MAGI2: variants seen among roughly 807,000 people sequenced by gnomAD.
MAGI2 encodes membrane-associated guanylate kinase, WW and PDZ domain-containing protein 2.
In MAGI2, 35 loss-of-function variants were observed where a neutral mutation model predicts 133.3. The observed-to-expected ratio is 0.26, with a 90% CI of 0.20 to 0.35. MAGI2 has a LOEUF of 0.35. Among genes scored for constraint, MAGI2 ranks in the 10% least tolerant of loss-of-function variants. The pLI is 1.00. For synonymous variants in MAGI2, 729 were observed against 710.6 expected, an observed-to-expected ratio of 1.03 and a Z score of -0.41; for missense variants, 1,636 against 1,863.4, an observed-to-expected ratio of 0.88 and a Z score of 2.25.
chr7:78,589,444 A>G (rs1163877933), intron 3 of MAGI2, among the ~76,000 whole-genome samples: 3 of 152,224 alleles, frequency 2.0e-5, no homozygotes, highest in African/African-American at 7.2e-5. Flanking sequence ...GTCTATGCAC[A>G]TAACTGCTAT....
intron 3 of MAGI2, among the ~76,000 whole-genome samples, chr7:78,530,092 C>T (rs1797335179): frequency 6.6e-6 from 1 of 152,116 alleles, no homozygotes; most frequent in African/African-American, 2.4e-5. Flanking sequence ...TAATCCCTTT[C>T]ATCAAATATC....
intron 8 of MAGI2, 39 bp from the exon 9 acceptor site, chr7:78,343,999 G>C: frequency 6.3e-7 from 1 of 1,574,886 alleles, no homozygotes; most frequent in Non-Finnish European, 8.6e-7. Context: ...AAAAAGGCAT[G>C]TTCAAGTCAA....
At chr7:78,598,250 G>A (rs1028655417) in intron 3 of MAGI2, among the ~76,000 whole-genome samples, 1 of 152,084 alleles carries the variant, frequency 6.6e-6, no homozygotes, top group Admixed American at 6.6e-5. Flanking sequence ...ATAAATAAAT[G>A]AAAACTTGCA....
intron 1 of MAGI2, among the ~76,000 whole-genome samples, chr7:79,294,790 C>T (rs1439729014): frequency 4.9e-5 from 6 of 121,824 alleles, no homozygotes; most frequent in African/African-American, 1.5e-4. Flanking sequence ...AGTGCAGGGG[C>T]GCAATCTCGG....
intron 1 of MAGI2, among the ~76,000 whole-genome samples, chr7:79,039,859 ATATATATAATATATATG>A (rs1006493845): frequency 4.1e-5 from 6 of 144,756 alleles, no homozygotes; most frequent in South Asian, 2.1e-4. Flanking sequence ...TATATATTAT[ATATATATAATATATATG>A]TATATATAAT....
At chr7:78,975,887 T>C (rs1321903614) in intron 2 of MAGI2, among the ~76,000 whole-genome samples, 1 of 151,656 alleles carries the variant, frequency 6.6e-6, no homozygotes, top group East Asian at 1.9e-4. Flanking sequence ...ATAATACAAG[T>C]AACTCTATCC....
intron 2 of MAGI2, among the ~76,000 whole-genome samples, chr7:78,841,189 G>GC: frequency 6.6e-6 from 1 of 152,122 alleles, no homozygotes; most frequent in Non-Finnish European, 1.5e-5. Context: ...GTCATACACT[G>GC]AAGTACTATA....
At chr7:79,356,951 AAAG>A (rs1842060059) in intron 1 of MAGI2, among the ~76,000 whole-genome samples, 1 of 152,214 alleles carries the variant, frequency 6.6e-6, no homozygotes, top group Non-Finnish European at 1.5e-5. Flanking sequence ...AGTCCTCTCA[AAAG>A]AAGAAAAGGA....
In MAGI2 at chr7:78,207,848, T is replaced by G. The variant is rs375599827; in HGVS notation, c.2048-6655A>C. Among the ~76,000 whole-genome samples the G allele has an allele frequency of 2.0e-4, 30 of 152,292 alleles. No individual in the cohort carries two copies. The South Asian group carries it at 6.2e-3, about 32-fold the overall frequency. The stretch of plus-strand genomic sequence containing the variant: ...GAAAATTTCACATAACTACCATCTT[T>G]GACCTGCAGAATCCATTTTTGTTGT... On this transcript the variant is annotated intron_variant, in intron 10 of 21. Coordinates refer to ENST00000354212, the MANE Select transcript of MAGI2 (RefSeq NM_012301.4).
At chr7:78,077,832 C>T (rs371288945) in intron 21 of MAGI2, among the ~76,000 whole-genome samples, 12 of 142,796 alleles carry the variant, frequency 8.4e-5, no homozygotes, top group Admixed American at 8.2e-4. Flanking sequence ...TGGGTTCAAG[C>T]GATTCTTCTG....
chr7:78,388,792 C>G (rs75549079), intron 6 of MAGI2, among the ~76,000 whole-genome samples: 10,513 of 152,130 alleles, frequency 0.069, 399 homozygotes, highest in South Asian at 0.096. Flanking sequence ...AAAGATATGG[C>G]CTTTTTAAAG....
rs146842309 is a variant in MAGI2 at position 78,763,497 on chromosome 7, G to A, written c.419-136258C>T. Among the ~76,000 whole-genome samples, 659 of 152,318 alleles carry A rather than the reference G, an allele frequency of 4.3e-3. 2 individuals are homozygous for A. Among genetic ancestry groups the A allele is most frequent in the Middle Eastern group, 0.014 (4 of 294 alleles). Reference sequence around the variant, plus strand: ...CTGAGAGAGTAATTCACACAGGTGTGTGGAAGGGGTTGTCTATGATATTTC... The same window carrying A: ...CTGAGAGAGTAATTCACACAGGTGTATGGAAGGGGTTGTCTATGATATTTC... On this transcript the variant is annotated intron_variant, in intron 2 of 21. Coordinates refer to ENST00000354212, the MANE Select transcript of MAGI2 (RefSeq NM_012301.4).
chr7:78,826,913 T>C (rs1364226094), intron 2 of MAGI2, among the ~76,000 whole-genome samples: 1 of 151,924 alleles, frequency 6.6e-6, no homozygotes, highest in African/African-American at 2.4e-5. Flanking sequence ...AATAAATGAA[T>C]TGCAAATAGT....
intron 2 of MAGI2, among the ~76,000 whole-genome samples, chr7:78,933,702 A>G (rs974983272): frequency 2.6e-5 from 4 of 152,154 alleles, no homozygotes; most frequent in Non-Finnish European, 4.4e-5. Flanking sequence ...AAAAGTGCCT[A>G]GAGATGACAT....
At chr7:78,430,448 T>C (rs2151429864) in intron 6 of MAGI2, among the ~76,000 whole-genome samples, 1 of 152,100 alleles carries the variant, frequency 6.6e-6, no homozygotes, top group South Asian at 2.1e-4. Context: ...AAAAGTTAAG[T>C]AGTATTCCAG....
chr7:78,145,725 T>C (rs1338294234), intron 16 of MAGI2, among the ~76,000 whole-genome samples: 2 of 152,300 alleles, frequency 1.3e-5, no homozygotes, highest in East Asian at 3.9e-4. Context: ...TATCTGTTCA[T>C]TGTAAATCAC....
At chr7:79,107,171 G>A (rs900561435) in intron 1 of MAGI2, among the ~76,000 whole-genome samples, 8 of 152,312 alleles carry the variant, frequency 5.3e-5, no homozygotes, top group Non-Finnish European at 1.2e-4. Flanking sequence ...AATAAGTGGA[G>A]AGCTTTCTCC....
intron 1 of MAGI2, among the ~76,000 whole-genome samples, chr7:79,041,555 T>C (rs1811672996): frequency 6.6e-6 from 1 of 152,166 alleles, no homozygotes. Context: ...CAATTATTAT[T>C]ATCACATTAG....
intron 1 of MAGI2, among the ~76,000 whole-genome samples, chr7:79,423,116 A>G (rs1251312950): frequency 6.6e-6 from 1 of 152,122 alleles, no homozygotes; most frequent in Admixed American, 6.6e-5. Context: ...TTCTAACATT[A>G]TAGCACTCTC....
Sources: gnomAD v4.1 joint callset for allele counts (sites outside exome capture counted in the v4.1 genomes callset) on GRCh38, gnomAD v4.1.1 for gene constraint, MANE v1.5 for transcripts, NCBI Gene and HGNC (gene_info 2026-07-23, HGNC 2026-07-21) for gene names.